GAB1: variants seen among roughly 807,000 people sequenced by gnomAD.
The protein encoded by GAB1 is GRB2-associated-binding protein 1.
A neutral mutation model predicts 66.5 loss-of-function variants in GAB1; 19 were observed. The ratio of observed to expected loss-of-function variants is 0.29; its 90% CI spans 0.20 to 0.42. The LOEUF (loss-of-function observed/expected upper bound fraction) is 0.42, where lower values mean the gene tolerates loss of function less well. Ranked by LOEUF, GAB1 falls within the 10% of genes least tolerant of loss-of-function variation. The probability of loss-of-function intolerance (pLI) is 1.00; values close to 1 mark genes in which losing one functional copy is unlikely to be tolerated. For synonymous variants in GAB1, 294 were observed against 301.4 expected, an observed-to-expected ratio of 0.98 and a Z score of 0.25; for missense variants, 732 against 858.5, an observed-to-expected ratio of 0.85 and a Z score of 1.84.
intron 1 of GAB1, among the ~76,000 whole-genome samples, chr4:143,397,141 C>G (rs1018850234): frequency 6.6e-6 from 1 of 152,146 alleles, no homozygotes; most frequent in Non-Finnish European, 1.5e-5. Flanking sequence ...GTGACAGGAG[C>G]TTGGTGGACC....
At position 143,414,860 on chromosome 4, in the gene GAB1, T is replaced by C. The variant is rs28925891; in HGVS notation, c.73-617T>C. ...ATTTTTAATATACAATTCACTAGCA[T>C]TAAGTATTAATACATTCACAGCACC... On this transcript the variant is annotated intron_variant, in intron 1 of 9. Transcript: ENST00000262994. Among the ~76,000 whole-genome samples, 725 of 152,274 alleles carry C rather than the reference T, an allele frequency of 4.8e-3. 3 individuals are homozygous for C. Among genetic ancestry groups the C allele is most frequent in the African/African-American group, 0.017 (688 of 41,558 alleles).
intron 6 of GAB1, among the ~76,000 whole-genome samples, chr4:143,442,423 A>G (rs1335786119): frequency 6.6e-6 from 1 of 152,180 alleles, no homozygotes; most frequent in Non-Finnish European, 1.5e-5. Context: ...TCTGTAGAGC[A>G]CAGTTTGAAA....
intron 1 of GAB1, among the ~76,000 whole-genome samples, chr4:143,377,475 T>G (rs1055530832): frequency 2.0e-5 from 3 of 152,200 alleles, no homozygotes; most frequent in African/African-American, 7.2e-5. Flanking sequence ...GCTTTTAGTA[T>G]TTGAAATGCC....
intron 6 of GAB1, among the ~76,000 whole-genome samples, chr4:143,456,534 T>C (rs1404333478): frequency 3.3e-5 from 5 of 152,182 alleles, no homozygotes; most frequent in Non-Finnish European, 7.3e-5. Context: ...TTAGGGAATT[T>C]TAGGGGTAGG....
At chr4:143,350,921 A>C (rs184455857) in intron 1 of GAB1, among the ~76,000 whole-genome samples, 1 of 152,116 alleles carries the variant, frequency 6.6e-6, no homozygotes, top group South Asian at 2.1e-4. Flanking sequence ...GGACATTTTG[A>C]AACAGGAAAG....
Position 143,460,559 on chromosome 4 carries a change from A to G in GAB1, c.1803+72A>G, listed in dbSNP as rs940431940. The G allele has an allele frequency of 1.2e-5, 16 of 1,390,516 alleles. No homozygotes were observed. In the African/African-American group the frequency reaches 2.3e-4, roughly 20 times the overall value. 86.1% of individuals were successfully genotyped at this position (1,390,516 alleles called of 1,614,324 possible). On this transcript the variant is annotated intron_variant, in intron 8 of 9. Transcript: ENST00000262994. Reference sequence around the variant, plus strand: ...CATTCAAGCTAGAACTGTTCTGTCTATAAATTTTATCCTCGTATCTTTATA... The same window carrying G: ...CATTCAAGCTAGAACTGTTCTGTCTGTAAATTTTATCCTCGTATCTTTATA...
At chr4:143,421,549 A>AAC (rs1326416295) in intron 2 of GAB1, among the ~76,000 whole-genome samples, 1 of 152,052 alleles carries the variant, frequency 6.6e-6, no homozygotes, top group Non-Finnish European at 1.5e-5. Flanking sequence ...CATTCTCATC[A>AAC]ATGTTTGATG....
At chr4:143,352,995 C>T (rs1729290934) in intron 1 of GAB1, among the ~76,000 whole-genome samples, 1 of 152,152 alleles carries the variant, frequency 6.6e-6, no homozygotes, top group Non-Finnish European at 1.5e-5. Flanking sequence ...AAGTACCTAA[C>T]TGTCGCCAAG....
intron 1 of GAB1, among the ~76,000 whole-genome samples, chr4:143,360,582 ACT>A (rs1248938580): frequency 4.6e-5 from 7 of 152,058 alleles, no homozygotes; most frequent in African/African-American, 1.7e-4. Flanking sequence ...GGCAAAACAA[ACT>A]CTTTTTCCTG....
intron 1 of GAB1, among the ~76,000 whole-genome samples, chr4:143,405,763 G>A (rs1051131777): frequency 1.2e-4 from 18 of 152,170 alleles, no homozygotes; most frequent in African/African-American, 4.1e-4. Context: ...ATGGAGGTTT[G>A]CACAAGGTAC....
chr4:143,467,633 A>G (rs778764685), intron 9 of GAB1, among the ~76,000 whole-genome samples: 2 of 152,094 alleles, frequency 1.3e-5, no homozygotes, highest in Admixed American at 1.3e-4. Flanking sequence ...TTTTTATTGC[A>G]ACCTCATTTT....
At chr4:143,346,107 A>G (rs1728984954) in intron 1 of GAB1, among the ~76,000 whole-genome samples, 1 of 152,210 alleles carries the variant, frequency 6.6e-6, no homozygotes, top group Non-Finnish European at 1.5e-5. Context: ...CTCTTTTCCT[A>G]TTCATTTCTG....
intron 1 of GAB1, among the ~76,000 whole-genome samples, chr4:143,348,158 A>G (rs1729049140): frequency 6.6e-6 from 1 of 152,220 alleles, no homozygotes. Flanking sequence ...TAACTTATAC[A>G]CAAACATTAT....
At chr4:143,367,398 G>A (rs28684892) in intron 1 of GAB1, among the ~76,000 whole-genome samples, 4,259 of 152,268 alleles carry the variant, frequency 0.028, 165 homozygotes, top group African/African-American at 0.086. Context: ...AATATACTTA[G>A]AAGTCCTAAG....
chr4:143,353,010 T>C (rs1729292446), intron 1 of GAB1, among the ~76,000 whole-genome samples: 1 of 152,114 alleles, frequency 6.6e-6, no homozygotes, highest in African/African-American at 2.4e-5. Context: ...GCCAAGAAAC[T>C]CAAAAGACAT....
At chr4:143,357,584 G>A (rs1455496272) in intron 1 of GAB1, among the ~76,000 whole-genome samples, 1 of 152,110 alleles carries the variant, frequency 6.6e-6, no homozygotes, top group Non-Finnish European at 1.5e-5. Flanking sequence ...TGTTGTGAAG[G>A]GTGGGTAGGG....
At chr4:143,369,286 A>G (rs1169006163) in intron 1 of GAB1, among the ~76,000 whole-genome samples, 1 of 152,086 alleles carries the variant, frequency 6.6e-6, no homozygotes, top group East Asian at 1.9e-4. Context: ...CATGTTGGCC[A>G]GGTTGGTCTC....
chr4:143,439,501 G>C (rs1348029342), intron 4 of GAB1: 1 of 301,438 alleles, frequency 3.3e-6, no homozygotes, highest in Non-Finnish European at 6.3e-6. Flanking sequence ...TGGTGCAAAC[G>C]ATGAGAAAAT....
chr4:143,375,799 T>G (rs926440182), intron 1 of GAB1, among the ~76,000 whole-genome samples: 11 of 152,182 alleles, frequency 7.2e-5, no homozygotes, highest in Non-Finnish European at 1.5e-4. Context: ...TGGCCTGCCC[T>G]GTGCATTATA....
Sources: allele counts gnomAD v4.1 joint callset (sites outside exome capture counted in the v4.1 genomes callset), GRCh38; gene constraint gnomAD v4.1.1; transcripts MANE v1.5; gene names NCBI Gene and HGNC (gene_info 2026-07-23, HGNC 2026-07-21).